LMNB1: variants seen among roughly 807,000 people sequenced by gnomAD.
LMNB1 encodes lamin-B1.
LMNB1 carries 23 observed loss-of-function variants against 67.1 expected under a neutral mutation model. The observed-to-expected ratio is 0.34, with a 90% CI of 0.25 to 0.49. The LOEUF is 0.49. LMNB1 is among the 20% of genes least tolerant of loss of function. LMNB1 has a pLI of 0.99. For missense variants in LMNB1, 634 were observed against 746.5 expected, an observed-to-expected ratio of 0.85 and a Z score of 1.76; for synonymous variants, 281 against 282.9, an observed-to-expected ratio of 0.99 and a Z score of 0.07.
At chr5:126,803,821 G>A (rs1232242847) in intron 1 of LMNB1, among the ~76,000 whole-genome samples, 4 of 152,190 alleles carry the variant, frequency 2.6e-5, no homozygotes, top group Non-Finnish European at 5.9e-5. Flanking sequence ...AAAGTGCTGG[G>A]ATTACAGGCA....
At chr5:126,787,546 A>ATATATATATATATATATATATTTTTT in intron 1 of LMNB1, among the ~76,000 whole-genome samples, 1 of 65,574 alleles carries the variant, frequency 1.5e-5, no homozygotes, top group African/African-American at 6.6e-5. Context: ...ATATATATAT[A>ATATATATATATATATATATATTTTTT]TTTTTTTTTT....
At position 126,826,060 on chromosome 5, in the gene LMNB1, G is replaced by T. The variant is rs768158426; in HGVS notation, c.1564G>T (p.Gly522Cys). 6.2e-7 allele frequency: 1 copy of T among 1,614,050 alleles called. No homozygotes were observed. The highest frequency in any genetic ancestry group is 2.2e-5 in the East Asian group (1 of 44,880). ...DLIWKNQNSW[G>C]TGEDVKVILK... Reference sequence around the variant, plus strand: ...CATCTGGAAGAACCAGAACTCGTGGGGCACTGGCGAAGATGTGAAGGTTAT... The same window carrying T: ...CATCTGGAAGAACCAGAACTCGTGGTGCACTGGCGAAGATGTGAAGGTTAT... The change falls in exon 9 of 11, where the codon GGC becomes TGC. Residue 522 changes from glycine to cysteine, a missense_variant. Transcript: ENST00000261366.
At chr5:126,810,628 T>C (rs1427678518) in intron 4 of LMNB1, among the ~76,000 whole-genome samples, 9 of 152,218 alleles carry the variant, frequency 5.9e-5, no homozygotes, top group Non-Finnish European at 8.8e-5. Context: ...GCCATAGTAG[T>C]TGAACCCAAA....
intron 1 of LMNB1, among the ~76,000 whole-genome samples, chr5:126,795,000 A>G (rs1751051273): frequency 6.6e-6 from 1 of 152,012 alleles, no homozygotes; most frequent in Admixed American, 6.6e-5. Flanking sequence ...TGAGCTTCAG[A>G]TTATGTTGTA....
intron 1 of LMNB1, among the ~76,000 whole-genome samples, chr5:126,783,990 A>G: frequency 7.0e-6 from 1 of 142,782 alleles, no homozygotes. Flanking sequence ...TTTGATAAGG[A>G]GATTGTGCTT....
At chr5:126,829,783 T>G (rs1752085815) in intron 9 of LMNB1, among the ~76,000 whole-genome samples, 1 of 152,136 alleles carries the variant, frequency 6.6e-6, no homozygotes, top group Admixed American at 6.6e-5. Context: ...GAATTAGAGC[T>G]CAAGACTTCT....
At chr5:126,778,769 A>G (rs1185582347) in intron 1 of LMNB1, among the ~76,000 whole-genome samples, 2 of 152,180 alleles carry the variant, frequency 1.3e-5, no homozygotes, top group African/African-American at 4.8e-5. Flanking sequence ...GACTGTGCTT[A>G]GTACCCCTTA....
At chr5:126,792,396 C>T (rs944236343) in intron 1 of LMNB1, among the ~76,000 whole-genome samples, 16 of 151,924 alleles carry the variant, frequency 1.1e-4, no homozygotes, top group African/African-American at 3.9e-4. Context: ...GCCTGCCTCC[C>T]AAAGTGCTGG....
rs183743306 is a variant in LMNB1, at chr5:126,812,875, T to C, written c.939+977T>C. Among the ~76,000 whole-genome samples, 1,218 of 152,058 alleles carry C rather than the reference T, an allele frequency of 8.0e-3. 22 individuals are homozygous for C. Among genetic ancestry groups the C allele is most frequent in the African/African-American group, 0.028 (1,172 of 41,488 alleles). ...CCTCCCAAGTAGCTGGGACTACAAGTGCGTGCCACCACGCCCGGCTAATTT... is the reference window on the plus strand; with the variant it reads ...CCTCCCAAGTAGCTGGGACTACAAGCGCGTGCCACCACGCCCGGCTAATTT... On this transcript the variant is annotated intron_variant, in intron 5 of 10. Transcript: ENST00000261366.
At chr5:126,830,518 T>C (rs1036539669) in intron 9 of LMNB1, among the ~76,000 whole-genome samples, 2 of 152,226 alleles carry the variant, frequency 1.3e-5, no homozygotes, top group Non-Finnish European at 2.9e-5. Context: ...CGGCTTTCTG[T>C]ATTAGATTAA....
At chr5:126,795,176 G>A (rs1274310131) in intron 1 of LMNB1, among the ~76,000 whole-genome samples, 2 of 131,954 alleles carry the variant, frequency 1.5e-5, no homozygotes, top group Non-Finnish European at 3.1e-5. Flanking sequence ...TGCCCAGAGC[G>A]ACAGTGGCTG....
intron 5 of LMNB1, among the ~76,000 whole-genome samples, chr5:126,818,494 G>A (rs1318313671): frequency 2.6e-5 from 4 of 151,942 alleles, no homozygotes; most frequent in Admixed American, 6.6e-5. Flanking sequence ...CACCTGCCCC[G>A]GCCTCCCAAA....
In LMNB1 at chr5:126,809,430, T is replaced by A. The variant is rs373412768; in HGVS notation, c.643-750T>A. 4.6e-5 allele frequency among the ~76,000 whole-genome samples: 7 copies of A among 152,298 alleles called. No homozygotes were observed. The East Asian group carries it at 1.4e-3, about 29-fold the overall frequency. On this transcript the variant is annotated intron_variant, in intron 3 of 10. Transcript: ENST00000261366. Reference sequence around the variant, plus strand: ...GGCTGGGCAAGGTGGTTCACACCTGTAATCCCAGCAACTTGAGTGGCTGAG... The same window carrying A: ...GGCTGGGCAAGGTGGTTCACACCTGAAATCCCAGCAACTTGAGTGGCTGAG...
At chr5:126,816,230 G>A (rs1355644234) in intron 5 of LMNB1, among the ~76,000 whole-genome samples, 2 of 152,094 alleles carry the variant, frequency 1.3e-5, no homozygotes, top group African/African-American at 4.8e-5. Context: ...GACTACCTTT[G>A]TAATATCCAT....
chr5:126,799,839 G>A (rs905339385), intron 1 of LMNB1, among the ~76,000 whole-genome samples: 25 of 152,228 alleles, frequency 1.6e-4, no homozygotes, highest in African/African-American at 5.8e-4. Flanking sequence ...AAAAGCAAAA[G>A]TGTGTTCATA....
chr5:126,779,052 C>A (rs995802569), intron 1 of LMNB1, among the ~76,000 whole-genome samples: 1 of 152,204 alleles, frequency 6.6e-6, no homozygotes, highest in Non-Finnish European at 1.5e-5. Flanking sequence ...GCACTGCCAG[C>A]TGAAATTTCT....
intron 1 of LMNB1, among the ~76,000 whole-genome samples, chr5:126,778,586 C>T (rs559849135): frequency 2.0e-5 from 3 of 152,298 alleles, no homozygotes; most frequent in African/African-American, 4.8e-5. Flanking sequence ...GAAATGTGTC[C>T]TGTCCCAGCG....
chr5:126,828,823 G>A (rs1206122432), intron 9 of LMNB1, among the ~76,000 whole-genome samples: 3 of 152,060 alleles, frequency 2.0e-5, no homozygotes, highest in African/African-American at 7.2e-5. Context: ...GCCTCCCAAA[G>A]TGCTGGGATT....
chr5:126,785,481 T>C (rs1403891519), intron 1 of LMNB1, among the ~76,000 whole-genome samples: 1 of 118,352 alleles, frequency 8.4e-6, no homozygotes, highest in Non-Finnish European at 2.0e-5. Flanking sequence ...TTTCTTTTTC[T>C]TTTTTTTTTT....
Sources: allele counts gnomAD v4.1 joint callset (sites outside exome capture counted in the v4.1 genomes callset), GRCh38; gene constraint gnomAD v4.1.1; transcripts MANE v1.5; gene names NCBI Gene and HGNC (gene_info 2026-07-23, HGNC 2026-07-21).